Variants in TGFB2 observed in about 807,000 individuals in gnomAD.
TGFB2 encodes the protein transforming growth factor beta-2 proprotein.
TGFB2 carries 13 observed loss-of-function variants against 42.7 expected under a neutral mutation model. That is an observed-to-expected ratio of 0.30 (90% confidence interval 0.20 to 0.48). The LOEUF (loss-of-function observed/expected upper bound fraction) is 0.48. Ranked by LOEUF, TGFB2 falls within the 20% of genes least tolerant of loss-of-function variation. The pLI is 0.99. For synonymous variants in TGFB2, 193 were observed against 193.6 expected (o/e 1.00, Z 0.03); for missense variants, 390 against 517.5 (o/e 0.75, Z 2.39).
In TGFB2 at chr1:218,437,324, T is replaced by C. The variant is rs1297411526; in HGVS notation, c.933-19T>C. On this transcript the variant is annotated intron_variant, in intron 5 of 6. Coordinates refer to ENST00000366930, the MANE Select transcript of TGFB2 (RefSeq NM_003238.6). ...TCAGCTTTAAAATCTCCATTGCTTT[T>C]TTTTTTTTTTTTTAACAGAAATGTG... is the stretch of plus-strand genomic sequence containing the variant. 7.0e-7 allele frequency: 1 copy of C among 1,423,270 alleles called. No homozygotes were observed. The highest frequency in any genetic ancestry group is 1.4e-5 in the South Asian group (1 of 71,970). The allele number at this position is 1,423,270 out of a possible 1,614,324, so 88.2% of individuals were successfully genotyped here. A position where few individuals can be genotyped will look rare whatever the true frequency, so the allele number is the denominator to read the frequency against.
intron 6 of TGFB2, among the ~76,000 whole-genome samples, chr1:218,438,182 G>A (rs1660033085): frequency 6.6e-6 from 1 of 151,924 alleles, no homozygotes; most frequent in Non-Finnish European, 1.5e-5. Context: ...GCCTCCATAA[G>A]TTTTATATTC....
At chr1:218,379,978 C>G (rs113802895) in intron 1 of TGFB2, among the ~76,000 whole-genome samples, 1 of 152,172 alleles carries the variant, frequency 6.6e-6, no homozygotes, top group African/African-American at 2.4e-5. Flanking sequence ...GCTTCATATA[C>G]TCCAGGCACT....
chr1:218,427,329 CTTATT>C (rs1055598304), intron 2 of TGFB2, among the ~76,000 whole-genome samples: 1 of 151,584 alleles, frequency 6.6e-6, no homozygotes, highest in African/African-American at 2.4e-5. Flanking sequence ...TTTTTTTCTT[CTTATT>C]TATTTATTTT....
intron 1 of TGFB2, among the ~76,000 whole-genome samples, chr1:218,361,496 C>A (rs888204937): frequency 6.6e-6 from 1 of 152,084 alleles, no homozygotes; most frequent in African/African-American, 2.4e-5. Context: ...AGAATTGTCC[C>A]TCTTCTGCAC....
intron 1 of TGFB2, among the ~76,000 whole-genome samples, chr1:218,357,198 G>A (rs1227772992): frequency 1.3e-5 from 2 of 148,984 alleles, no homozygotes; most frequent in South Asian, 2.1e-4. Context: ...GGAGACAAGA[G>A]CAAGACTTCA....
At chr1:218,379,731 G>A (rs554039101) in intron 1 of TGFB2, among the ~76,000 whole-genome samples, 58 of 152,034 alleles carry the variant, frequency 3.8e-4, no homozygotes, top group African/African-American at 1.4e-3. Flanking sequence ...TTTTTCAATC[G>A]GGGTAGACCA....
intron 1 of TGFB2, among the ~76,000 whole-genome samples, chr1:218,378,498 G>C (rs1281915410): frequency 6.6e-6 from 1 of 152,062 alleles, no homozygotes; most frequent in Non-Finnish European, 1.5e-5. Context: ...ATTTTTAGTA[G>C]AGACGAGGTT....
Position 218,405,278 on chromosome 1 carries a change from T to C in TGFB2, c.456T>C (p.Phe152=), listed in dbSNP as rs372071268. The change falls in exon 2 of 7, where the codon TTT becomes TTC. Residue 152 remains phenylalanine, a synonymous_variant. Coordinates refer to ENST00000366930, the MANE Select transcript of TGFB2 (RefSeq NM_003238.6). ...TGGTGAAAGCAGAGTTCAGAGTCTT[T>C]CGTTTGCAGAACCCAAAAGCCAGAG... ...SNLVKAEFRV[F]RLQNPKARVP... is the part of the protein sequence containing the mutation. The C allele has an allele frequency of 5.0e-6, 8 of 1,614,104 alleles. No individual in the cohort carries two copies. In the African/African-American group the frequency reaches 5.3e-5, roughly 11 times the overall value.
intron 1 of TGFB2, among the ~76,000 whole-genome samples, chr1:218,393,923 T>G (rs1300692045): frequency 1.3e-5 from 2 of 151,738 alleles, no homozygotes; most frequent in East Asian, 3.9e-4. Flanking sequence ...TTTTTTTTTT[T>G]TTAGACAGAG....
rs544771513 is a variant in TGFB2 at position 218,368,636 on chromosome 1, G to A, written c.346+21589G>A. 6.4e-4 allele frequency among the ~76,000 whole-genome samples: 98 copies of A among 152,330 alleles called. 1 individual carries two copies. The highest frequency in any genetic ancestry group is 9.4e-4 in the Non-Finnish European group (64 of 68,028). On this transcript the variant is annotated intron_variant, in intron 1 of 6. Coordinates refer to ENST00000366930, the MANE Select transcript of TGFB2 (RefSeq NM_003238.6). ...AGTAGAGATTGGTCACAGGGATGAGGATGTGAGGTGTAATTTTATATAAGC... is the reference window on the plus strand; with the variant it reads ...AGTAGAGATTGGTCACAGGGATGAGAATGTGAGGTGTAATTTTATATAAGC...
intron 1 of TGFB2, among the ~76,000 whole-genome samples, chr1:218,354,508 AT>A (rs1285560034): frequency 1.3e-5 from 2 of 152,194 alleles, no homozygotes; most frequent in Admixed American, 6.5e-5. Flanking sequence ...AGTTTTAAAT[AT>A]TTTACATATA....
chr1:218,409,098 C>G (rs1241372614), intron 2 of TGFB2, among the ~76,000 whole-genome samples: 1 of 152,154 alleles, frequency 6.6e-6, no homozygotes, highest in Non-Finnish European at 1.5e-5. Flanking sequence ...CGCCGCTAAT[C>G]TGACAGGAGG....
At chr1:218,422,165 G>GCCTT (rs752446528) in intron 2 of TGFB2, among the ~76,000 whole-genome samples, 29 of 151,842 alleles carry the variant, frequency 1.9e-4, no homozygotes, top group Non-Finnish European at 3.4e-4. Context: ...AGAGGAGGAT[G>GCCTT]CCTTCCTTCC....
intron 1 of TGFB2, among the ~76,000 whole-genome samples, chr1:218,400,471 G>A (rs896990752): frequency 2.0e-5 from 3 of 151,990 alleles, no homozygotes; most frequent in African/African-American, 4.8e-5. Context: ...CCTGCCACAA[G>A]CCCACAAGAT....
At chr1:218,438,927 T>C (rs903323347) in intron 6 of TGFB2, among the ~76,000 whole-genome samples, 4 of 152,032 alleles carry the variant, frequency 2.6e-5, no homozygotes, top group African/African-American at 9.7e-5. Flanking sequence ...GTCAAGATGA[T>C]GAAACCCCGT....
rs1553303352 is a variant in TGFB2, at chr1:218,437,368, C to T, written c.958C>T (p.Arg320Cys). 3 of 1,604,062 alleles carry T rather than the reference C, an allele frequency of 1.9e-6. No individual in the cohort carries two copies. The highest frequency in any genetic ancestry group is 1.4e-5 in the African/African-American group (1 of 73,734). ...FRNVQDNCCL[R>C]PLYIDFKRDL... is the part of the protein sequence containing the mutation. ...AAATGTGCAGGATAATTGCTGCCTA[C>T]GTCCACTTTACATTGATTTCAAGAG... Residue 320 changes from arginine to cysteine, a missense_variant, in exon 6 of 7, where the codon CGT becomes TGT. Transcript: ENST00000366930.
chr1:218,364,133 G>T (rs1209585182), intron 1 of TGFB2, among the ~76,000 whole-genome samples: 1 of 152,194 alleles, frequency 6.6e-6, no homozygotes, highest in Non-Finnish European at 1.5e-5. Flanking sequence ...GAGACCTGTC[G>T]GGGAGTTATG....
intron 2 of TGFB2, among the ~76,000 whole-genome samples, chr1:218,421,056 G>A (rs138809917): frequency 9.2e-5 from 14 of 152,200 alleles, no homozygotes; most frequent in East Asian, 7.7e-4. Flanking sequence ...GCAGTGTGTC[G>A]GTGTGGTAGG....
At chr1:218,386,975 C>T (rs576218861) in intron 1 of TGFB2, among the ~76,000 whole-genome samples, 24 of 152,130 alleles carry the variant, frequency 1.6e-4, no homozygotes, top group African/African-American at 5.1e-4. Flanking sequence ...AAGGTGAACA[C>T]CTAAAGAGGC....
Sources: allele counts gnomAD v4.1 joint callset (sites outside exome capture counted in the v4.1 genomes callset), GRCh38; gene constraint gnomAD v4.1.1; transcripts MANE v1.5; gene names NCBI Gene and HGNC (gene_info 2026-07-23, HGNC 2026-07-21).